HSPBP1: variants seen among roughly 807,000 people sequenced by gnomAD.
The protein encoded by HSPBP1 is HSPA (Hsp70) binding protein 1.
A neutral mutation model predicts 41.7 loss-of-function variants in HSPBP1; 31 were observed. That is an observed-to-expected ratio of 0.74 (90% CI 0.56 to 1.00). The LOEUF (loss-of-function observed/expected upper bound fraction) is 1.00. Among genes scored for constraint, HSPBP1 ranks in the 50% least tolerant of loss-of-function variants. The pLI, the probability that HSPBP1 is intolerant of heterozygous loss-of-function variation, is 0.00. For missense variants in HSPBP1, 439 were observed against 487.9 expected (o/e 0.90, Z 0.94); for synonymous variants, 199 against 214.4 (o/e 0.93, Z 0.63).
At chr19:55,279,861 C>G (rs1314853067) in intron 1 of HSPBP1, 159 bp from the exon 2 acceptor site, 1 of 744,648 alleles carries the variant, frequency 1.3e-6, no homozygotes, top group African/African-American at 1.8e-5. Context: ...AGCAACAGGC[C>G]CCACCCACTC....
intron 4 of HSPBP1, 44 bp downstream of exon 4, chr19:55,274,354 C>CG (rs756707895): frequency 1.3e-5 from 8 of 632,214 alleles, no homozygotes; most frequent in African/African-American, 3.7e-5. Flanking sequence ...GGCACCCCCC[C>CG]CCACCGCCAG....
intron 3 of HSPBP1, among the ~76,000 whole-genome samples, chr19:55,277,147 C>T (rs1027595222): frequency 1.2e-4 from 19 of 152,196 alleles, no homozygotes; most frequent in African/African-American, 2.4e-4. Context: ...CCCACCCCAG[C>T]GCTGTTTCCT....
Position 55,268,695 on chromosome 19 carries a change from CAG to C in HSPBP1, c.641-2411_641-2410del, listed in dbSNP as rs560276363. ...AGTTTATTTTATTTCATTTTTGAGACAGAGTCTCGCTCTGTCGCCCAGGCTGG... is the reference window on the plus strand; with the variant it reads ...AGTTTATTTTATTTCATTTTTGAGACAGTCTCGCTCTGTCGCCCAGGCTGG... On this transcript the variant is annotated intron_variant, in intron 4 of 7. Transcript: ENST00000433386. This position sits in a 1 kb window ranked among gnomAD's most constrained non-coding sequence, Gnocchi z 4.5. Among the ~76,000 whole-genome samples, 366 of 152,204 alleles carry C rather than the reference CAG, an allele frequency of 2.4e-3. 2 individuals carry two copies. The highest frequency in any genetic ancestry group is 3.9e-3 in the Non-Finnish European group (267 of 68,000).
chr19:55,275,882 AGG>A (rs2122874118), intron 3 of HSPBP1, among the ~76,000 whole-genome samples: 1 of 151,506 alleles, frequency 6.6e-6, no homozygotes, highest in Non-Finnish European at 1.5e-5. Context: ...CGGGAGGCAC[AGG>A]TTGCAGTGAG....
chr19:55,262,347 GAGA>G lies in HSPBP1; in HGVS notation c.*258_*260del. On this transcript the variant is annotated 3_prime_UTR_variant, in exon 8 of 8. Transcript: ENST00000433386. The stretch of plus-strand genomic sequence containing the variant: ...GATGACAAAGGCGGCAGTGAAGGAG[GAGA>G]AGGAGGAAGAGAAACACCTTTATTG... 1.0e-5 allele frequency: 13 copies of G among 1,298,964 alleles called. No individual in the cohort carries two copies. Among genetic ancestry groups the G allele is most frequent in the Non-Finnish European group, 1.3e-5 (13 of 1,016,994 alleles). 80.5% of individuals were successfully genotyped at this position (1,298,964 alleles called of 1,614,324 possible). A position where few individuals can be genotyped will look rare whatever the true frequency, so the allele number is the denominator to read the frequency against.
At chr19:55,278,935 A>G (rs979237065) in intron 2 of HSPBP1, among the ~76,000 whole-genome samples, 3 of 151,600 alleles carry the variant, frequency 2.0e-5, no homozygotes, top group African/African-American at 7.3e-5. Context: ...AAAAAAAAAA[A>G]AAAAAACAGC....
rs1157452362 is a variant in HSPBP1 at position 55,262,579 on chromosome 19, C to A, written c.*29G>T. 1.2e-6 allele frequency: 2 copies of A among 1,611,616 alleles called. No homozygotes were observed. The highest frequency in any genetic ancestry group is 3.3e-5 in the Admixed American group (2 of 59,778). ...GGAGGCAAGAGGCCTGGGGTTCCCA[C>A]GGAGAAGGGGGCAAGAAGCCACCTG... On this transcript the variant is annotated 3_prime_UTR_variant, in exon 8 of 8. Coordinates refer to ENST00000433386, the MANE Select transcript of HSPBP1 (RefSeq NM_012267.5).
At chr19:55,277,913 A>G in intron 2 of HSPBP1, 67 bp from the exon 3 acceptor site, 2 of 1,310,982 alleles carry the variant, frequency 1.5e-6, no homozygotes, top group Non-Finnish European at 1.0e-6. Context: ...AACAGCCATT[A>G]ATAAAGACAG....
chr19:55,265,894 G>A lies in HSPBP1; in HGVS notation c.885C>T (p.Ala295=), dbSNP rs1274960646. The A allele has an allele frequency of 1.2e-6, 2 of 1,605,248 alleles. No homozygotes were observed. The highest frequency in any genetic ancestry group is 1.7e-6 in the Non-Finnish European group (2 of 1,177,144). ...TCAAGGAGCCAAAGTACCTGCACAGGGCTCCAAGCACGTGCTCGTGGAAGG... is the reference window on the plus strand; with the variant it reads ...TCAAGGAGCCAAAGTACCTGCACAGAGCTCCAAGCACGTGCTCGTGGAAGG... ...HSPFHEHVLG[A]LCSLVTDFPQ... is the part of the protein sequence containing the mutation. The change falls in exon 6 of 8, where the codon GCC becomes GCT. Residue 295 remains alanine, a synonymous_variant. Transcript: ENST00000433386.
In HSPBP1 at chr19:55,268,526, G is replaced by T. The variant is rs991814983; in HGVS notation, c.641-2240C>A. 6.6e-6 allele frequency among the ~76,000 whole-genome samples: 1 copy of T among 152,122 alleles called. No individual in the cohort carries two copies. The highest frequency in any genetic ancestry group is 1.5e-5 in the Non-Finnish European group (1 of 68,024). ...TACCCCTGAAAACTCAGCATGTTGC[G>T]ATGTGCTTCATTTGTAAAATGCACA... On this transcript the variant is annotated intron_variant, in intron 4 of 7. Coordinates refer to ENST00000433386, the MANE Select transcript of HSPBP1 (RefSeq NM_012267.5). This position sits in a 1 kb window ranked among gnomAD's most constrained non-coding sequence, Gnocchi z 4.5.
rs1213168104 is a variant in HSPBP1, at chr19:55,266,266, C to A, written c.661G>T (p.Ala221Ser). The A allele has an allele frequency of 6.3e-7, 1 of 1,580,644 alleles. No homozygotes were observed. The highest frequency in any genetic ancestry group is 8.6e-7 in the Non-Finnish European group (1 of 1,163,670). The stretch of plus-strand genomic sequence containing the variant: ...AGGCGGAGGAACTGCAGCAGCCCAG[C>A]CTCCTGCTCTCGGACCAGACCTGGG... ...AISCLVREQE[A>S]GLLQFLRLDG... The change falls in exon 5 of 8, where the codon GCT becomes TCT. Residue 221 changes from alanine (A) to serine (S), a missense_variant. Coordinates refer to ENST00000433386, the MANE Select transcript of HSPBP1 (RefSeq NM_012267.5).
At chr19:55,263,054 C>T (rs943610974) in intron 7 of HSPBP1, among the ~76,000 whole-genome samples, 11 of 152,120 alleles carry the variant, frequency 7.2e-5, no homozygotes, top group African/African-American at 2.2e-4. Context: ...ATAAAAAATA[C>T]TCCCATGGCA....
intron 1 of HSPBP1, 40 bp downstream of exon 1, chr19:55,279,995 T>A: frequency 3.2e-6 from 1 of 310,612 alleles, no homozygotes; most frequent in Non-Finnish European, 6.1e-6. Context: ...GTCTTCTCCC[T>A]CCTCTCCGAA....
intron 6 of HSPBP1, 66 bp from the exon 7 acceptor site, chr19:55,265,455 G>A (rs67351527): frequency 0.42 from 510,915 of 1,207,926 alleles, 113,146 homozygotes; most frequent in Middle Eastern, 0.46. Context: ...CAACCCTATC[G>A]CCCGCCCCGT....
intron 4 of HSPBP1, 51 bp from the exon 5 acceptor site, chr19:55,266,337 T>A (rs2087775520): frequency 6.6e-7 from 1 of 1,514,926 alleles, no homozygotes; most frequent in African/African-American, 1.4e-5. Context: ...ACCACCACTG[T>A]CATCACAAGC....
chr19:55,262,437 G>A lies in HSPBP1; in HGVS notation c.*171C>T. 7.0e-7 allele frequency: 1 copy of A among 1,425,450 alleles called. No homozygotes were observed. The highest frequency in any genetic ancestry group is 1.4e-5 in the African/African-American group (1 of 69,718). The allele number at this position is 1,425,450 out of a possible 1,614,324, so 88.3% of individuals were successfully genotyped here. On this transcript the variant is annotated 3_prime_UTR_variant, in exon 8 of 8. Coordinates refer to ENST00000433386, the MANE Select transcript of HSPBP1 (RefSeq NM_012267.5). ...GAGAGCATGGGAGGTGGGGTCCAAG[G>A]AGCTGGTGCCTTTCTCAGCGCCCCT...
intron 7 of HSPBP1, among the ~76,000 whole-genome samples, chr19:55,263,800 AG>A (rs1450625459): frequency 6.6e-6 from 1 of 152,182 alleles, no homozygotes; most frequent in African/African-American, 2.4e-5. Context: ...GGTAGCCAGA[AG>A]GAGGGGCAGG....
intron 4 of HSPBP1, among the ~76,000 whole-genome samples, chr19:55,269,344 C>CCTTGATCT (rs2087863509): frequency 6.6e-6 from 1 of 152,150 alleles, no homozygotes; most frequent in Non-Finnish European, 1.5e-5. Flanking sequence ...CCTACCACAA[C>CCTTGATCT]CTTGATCTCT....
rs78781482 is a variant in HSPBP1, at chr19:55,279,228, C to T, written c.210+171G>A. ...CTCTTGAGATCTGACCTTCAGTCAA[C>T]GATAACCCCATCTAGCACAATTTAT... is the stretch of plus-strand genomic sequence containing the variant. On this transcript the variant is annotated intron_variant, in intron 2 of 7. Coordinates refer to ENST00000433386, the MANE Select transcript of HSPBP1 (RefSeq NM_012267.5). 3.3e-3 allele frequency among the ~76,000 whole-genome samples: 500 copies of T among 152,236 alleles called. 2 individuals are homozygous for T. Among genetic ancestry groups the T allele is most frequent in the Non-Finnish European group, 3.9e-3 (267 of 68,018 alleles).
Sources: allele counts gnomAD v4.1 joint callset (sites outside exome capture counted in the v4.1 genomes callset), GRCh38; gene constraint gnomAD v4.1.1; non-coding constraint Gnocchi (gnomAD v3.1); transcripts MANE v1.5; gene names NCBI Gene and HGNC (gene_info 2026-07-23, HGNC 2026-07-21).